Variants in GNA11 observed in about 807,000 individuals in gnomAD.
GNA11 encodes the protein G protein subunit alpha 11.
In GNA11, 8 loss-of-function variants were observed where a neutral mutation model predicts 38.2. That is an observed-to-expected ratio of 0.21 (90% CI 0.12 to 0.38). GNA11 has a LOEUF of 0.38. Among genes scored for constraint, GNA11 ranks in the 10% least tolerant of loss-of-function variants. The pLI is 1.00. For missense variants in GNA11, 268 were observed against 516.3 expected (o/e 0.52, Z 4.66); for synonymous variants, 211 against 221.4 (o/e 0.95, Z 0.42).
intron 1 of GNA11, among the ~76,000 whole-genome samples, chr19:3,098,465 C>T (rs781444834): frequency 5.3e-5 from 8 of 152,208 alleles, no homozygotes; most frequent in Admixed American, 2.0e-4. Context: ...AGGGGACCCC[C>T]GTATAGTTCT....
intron 2 of GNA11, 140 bp from the exon 3 acceptor site, chr19:3,113,190 G>C (rs548041559): frequency 2.0e-5 from 15 of 741,914 alleles, no homozygotes; most frequent in African/African-American, 1.6e-4. Flanking sequence ...TGTTCACACG[G>C]AACTGTCAGT....
rs950544562 is a variant in GNA11, at chr19:3,121,929, T to C, written c.*750T>C. On this transcript the variant is annotated 3_prime_UTR_variant, in exon 7 of 7. Transcript: ENST00000078429. The stretch of plus-strand genomic sequence containing the variant: ...CCCTCTCTCATGGCCGGGTTCCCCG[T>C]CCCTCTGCAGAGGCTGGGAAGGGTC... 3.0e-5 allele frequency: 7 copies of C among 232,738 alleles called. No homozygotes were observed. The highest frequency in any genetic ancestry group is 1.1e-4 in the African/African-American group (5 of 45,330). 14.4% of individuals were successfully genotyped at this position (232,738 alleles called of 1,614,324 possible).
At chr19:3,115,233 A>C in intron 4 of GNA11, 161 bp downstream of exon 4, 11 of 725,072 alleles carry the variant, frequency 1.5e-5, no homozygotes, top group Non-Finnish European at 2.2e-5. Context: ...GCCAGACCTC[A>C]TATCTAAAAA....
chr19:3,112,497 G>GC (rs1417564271), intron 2 of GNA11, among the ~76,000 whole-genome samples: 1 of 152,184 alleles, frequency 6.6e-6, no homozygotes, highest in East Asian at 1.9e-4. Context: ...CGGCCTGTGC[G>GC]CCCCGGGGAC....
chr19:3,109,924 G>C (rs1314199487), intron 1 of GNA11, among the ~76,000 whole-genome samples: 2 of 152,178 alleles, frequency 1.3e-5, no homozygotes, highest in Non-Finnish European at 2.9e-5. Flanking sequence ...CTGGAAAAGG[G>C]GTGGTTCCAG....
intron 3 of GNA11, 41 bp downstream of exon 3, chr19:3,113,525 T>TG (rs1348660262): frequency 7.1e-7 from 1 of 1,405,030 alleles, no homozygotes; most frequent in Non-Finnish European, 9.4e-7. Flanking sequence ...GGACGGCAGC[T>TG]GCGGGCCGGT....
intron 2 of GNA11, among the ~76,000 whole-genome samples, chr19:3,113,014 G>A (rs1913813340): frequency 6.6e-6 from 1 of 152,172 alleles, no homozygotes; most frequent in Non-Finnish European, 1.5e-5. Context: ...AAGTGTGTGT[G>A]TTCTACACGT....
intron 1 of GNA11, among the ~76,000 whole-genome samples, chr19:3,103,904 C>CT (rs1913570634): frequency 6.6e-6 from 1 of 152,040 alleles, no homozygotes; most frequent in Admixed American, 6.6e-5. Flanking sequence ...CCAGGATGGT[C>CT]TCGATCTCCT....
rs1288895917 is a variant in GNA11, at chr19:3,122,099, C to T, written c.*920C>T. 1.3e-5 allele frequency: 3 copies of T among 233,096 alleles called. No homozygotes were observed. Among genetic ancestry groups the T allele is most frequent in the African/African-American group, 4.4e-5 (2 of 45,300 alleles). The allele number at this position is 233,096 out of a possible 1,614,324, so 14.4% of individuals were successfully genotyped here. A position where few individuals can be genotyped will look rare whatever the true frequency, so the allele number is the denominator to read the frequency against. On this transcript the variant is annotated 3_prime_UTR_variant, in exon 7 of 7. Coordinates refer to ENST00000078429, the MANE Select transcript of GNA11 (RefSeq NM_002067.5). The surrounding 1 kb of genome is among the most constrained non-coding windows in gnomAD (Gnocchi z 7.7). ...CCCACCGGAGCCCACGTGGGCTGGG[C>T]GGCTGGAGGGATGGTCCCCCGGTGA...
chr19:3,102,135 A>T (rs1405479063), intron 1 of GNA11, among the ~76,000 whole-genome samples: 1 of 152,018 alleles, frequency 6.6e-6, no homozygotes, highest in Non-Finnish European at 1.5e-5. Flanking sequence ...CAAACAAAAA[A>T]AAAACGTAGA....
chr19:3,112,502 G>C (rs11085001), intron 2 of GNA11, among the ~76,000 whole-genome samples: 11,063 of 152,276 alleles, frequency 0.073, 614 homozygotes, highest in East Asian at 0.2. Context: ...TGTGCGCCCC[G>C]GGGACGGGGA....
At chr19:3,109,360 A>T (rs73523943) in intron 1 of GNA11, among the ~76,000 whole-genome samples, 11,366 of 152,212 alleles carry the variant, frequency 0.075, 491 homozygotes, top group Middle Eastern at 0.17. Flanking sequence ...CCCCTTCCCG[A>T]TAGTTTTTCC....
intron 1 of GNA11, among the ~76,000 whole-genome samples, chr19:3,109,303 G>A (rs1461435286): frequency 3.3e-5 from 5 of 152,204 alleles, no homozygotes; most frequent in Non-Finnish European, 7.3e-5. Context: ...GAATGTGTGG[G>A]GGGCTCATCT....
At chr19:3,111,641 A>G (rs538005960) in intron 2 of GNA11, among the ~76,000 whole-genome samples, 11 of 152,314 alleles carry the variant, frequency 7.2e-5, no homozygotes, top group African/African-American at 2.6e-4. Context: ...ACGTGTGTTT[A>G]TGTGGATGAT....
chr19:3,115,238 TA>T (rs1374192381), intron 4 of GNA11, 166 bp downstream of exon 4: 18 of 694,166 alleles, frequency 2.6e-5, no homozygotes, highest in Middle Eastern at 3.9e-4. Flanking sequence ...ACCTCATATC[TA>T]AAAAAAATTT....
intron 1 of GNA11, among the ~76,000 whole-genome samples, chr19:3,096,523 G>T (rs530238924): frequency 6.6e-6 from 1 of 152,210 alleles, no homozygotes; most frequent in Admixed American, 6.5e-5. Flanking sequence ...CCGGTCTTCT[G>T]TGCCTGCACT....
In GNA11 at chr19:3,119,172, C is replaced by T. The variant is rs1408167363; in HGVS notation, c.736-34C>T. The T allele has an allele frequency of 1.2e-6, 2 of 1,609,502 alleles. No individual in the cohort carries two copies. Among genetic ancestry groups the T allele is most frequent in the African/African-American group, 1.3e-5 (1 of 74,830 alleles). ...CTTGGGCTGTGTGCAGTGGGGAGGG[C>T]CCCTCTGATTCCCTCTGCCTTCGCT... On this transcript the variant is annotated intron_variant, in intron 5 of 6. Transcript: ENST00000078429. This position sits in a 1 kb window ranked among gnomAD's most constrained non-coding sequence, Gnocchi z 4.6.
intron 1 of GNA11, among the ~76,000 whole-genome samples, chr19:3,098,398 C>T (rs541407159): frequency 6.6e-6 from 1 of 152,374 alleles, no homozygotes; most frequent in East Asian, 1.9e-4. Context: ...CGCTGGGCTT[C>T]TGCCTATCAC....
At chr19:3,097,399 C>T (rs1410607438) in intron 1 of GNA11, among the ~76,000 whole-genome samples, 6 of 152,050 alleles carry the variant, frequency 3.9e-5, no homozygotes, top group Non-Finnish European at 7.4e-5. Flanking sequence ...GAGTGGATGT[C>T]GGGGAGGGAG....
Sources: gnomAD v4.1 joint callset for allele counts (sites outside exome capture counted in the v4.1 genomes callset) on GRCh38, gnomAD v4.1.1 for gene constraint, Gnocchi (gnomAD v3.1) non-coding constraint, MANE v1.5 for transcripts, NCBI Gene and HGNC (gene_info 2026-07-23, HGNC 2026-07-21) for gene names.